The following RFC1 variants were observed in gnomAD, a reference collection of about 807,000 sequenced individuals.
RFC1 encodes the protein replication factor C subunit 1, also known as A1 140 kDa subunit.
RFC1 carries 37 observed loss-of-function variants against 137.4 expected under a neutral mutation model. That is an observed-to-expected ratio of 0.27 (90% confidence interval 0.21 to 0.35). The LOEUF is 0.35. RFC1 is among the 10% of genes least tolerant of loss of function. The probability of loss-of-function intolerance (pLI) is 1.00; values close to 1 mark genes in which losing one functional copy is unlikely to be tolerated. For missense variants in RFC1, 1,205 were observed against 1,358.5 expected (o/e 0.89, Z 1.78); for synonymous variants, 429 against 455.7 (o/e 0.94, Z 0.75).
At chr4:39,353,737 C>T (rs1221385958) in intron 1 of RFC1, among the ~76,000 whole-genome samples, 1 of 152,138 alleles carries the variant, frequency 6.6e-6, no homozygotes, top group Non-Finnish European at 1.5e-5. Context: ...CATGACTGTT[C>T]TAAGTGAGCT....
intron 12 of RFC1, among the ~76,000 whole-genome samples, chr4:39,311,120 G>A (rs1342627582): frequency 6.6e-6 from 1 of 152,126 alleles, no homozygotes; most frequent in Non-Finnish European, 1.5e-5. Context: ...CGACCTGAGG[G>A]ACAGAGCTAG....
intron 10 of RFC1, among the ~76,000 whole-genome samples, chr4:39,316,057 C>G (rs1284570600): frequency 6.6e-6 from 1 of 152,072 alleles, no homozygotes; most frequent in African/African-American, 2.4e-5. Context: ...ATGGAGAAAC[C>G]CCATCTCTAC....
rs554378162 is a variant in RFC1 at position 39,293,316 on chromosome 4, C to T, written c.2955-1464G>A. On this transcript the variant is annotated intron_variant, in intron 22 of 24. Transcript: ENST00000349703. ...TACAGTATCATCATCTTCTAATAGA[C>T]TCATAGAAAAGTCAAAGATGCCATT... Among the ~76,000 whole-genome samples the T allele has an allele frequency of 6.6e-5, 10 of 152,256 alleles. No homozygotes were observed. In the South Asian group the frequency reaches 2.1e-3, roughly 32 times the overall value.
chr4:39,365,582 A>G (rs1157683340), intron 1 of RFC1: 2 of 577,296 alleles, frequency 3.5e-6, no homozygotes, highest in African/African-American at 2.0e-5. Context: ...TCAGGTGGTA[A>G]GAGGATGACA....
chr4:39,361,745 A>G (rs1279892647), intron 1 of RFC1, among the ~76,000 whole-genome samples: 4 of 152,116 alleles, frequency 2.6e-5, no homozygotes, highest in Non-Finnish European at 5.9e-5. Flanking sequence ...CAATCCAAAA[A>G]TGAAATTAGG....
At chr4:39,291,607 G>A (rs772818073) in intron 23 of RFC1, 32 bp downstream of exon 23, 2 of 1,467,472 alleles carry the variant, frequency 1.4e-6, no homozygotes, top group Non-Finnish European at 9.6e-7. Context: ...GTAATAGAAA[G>A]TGACGAAGAA....
intron 10 of RFC1, among the ~76,000 whole-genome samples, chr4:39,315,833 G>T (rs1739212392): frequency 6.6e-6 from 1 of 152,114 alleles, no homozygotes; most frequent in Admixed American, 6.6e-5. Flanking sequence ...CTCTCCTGAT[G>T]ATCTCTGTGT....
At chr4:39,329,155 C>CAAAAAAAAAAAAAAAAAA (rs1739952751) in intron 4 of RFC1, among the ~76,000 whole-genome samples, 3 of 38,536 alleles carry the variant, frequency 7.8e-5, no homozygotes, top group Admixed American at 3.0e-4. Flanking sequence ...AAAAAAAAAG[C>CAAAAAAAAAAAAAAAAAA]TTTTCGATTT....
chr4:39,302,408 A>G (rs776242397), intron 18 of RFC1, 32 bp from the exon 19 acceptor site: 2 of 1,571,004 alleles, frequency 1.3e-6, no homozygotes, highest in Admixed American at 3.3e-5. Flanking sequence ...CAACGTCAAG[A>G]TAGGAAAATC....
At chr4:39,317,440 A>G (rs1325704246) in intron 9 of RFC1, among the ~76,000 whole-genome samples, 5 of 152,232 alleles carry the variant, frequency 3.3e-5, no homozygotes, top group Non-Finnish European at 5.9e-5. Context: ...TGTTAATCCT[A>G]TGACCTTCCA....
At chr4:39,290,444 T>A (rs1314833010) in intron 23 of RFC1, among the ~76,000 whole-genome samples, 2 of 151,924 alleles carry the variant, frequency 1.3e-5, no homozygotes, top group Admixed American at 1.3e-4. Flanking sequence ...TCACTTCAAG[T>A]CATCATGTTT....
intron 4 of RFC1, among the ~76,000 whole-genome samples, chr4:39,337,555 A>C (rs1167693879): frequency 6.6e-6 from 1 of 151,744 alleles, no homozygotes; most frequent in Non-Finnish European, 1.5e-5. Context: ...TTTATACAGA[A>C]TTTTAGTGTA....
Position 39,295,775 on chromosome 4 carries a change from T to G in RFC1, c.2809-16A>C. On this transcript the variant is annotated splice_polypyrimidine_tract_variant and intron_variant, in intron 21 of 24. Coordinates refer to ENST00000349703, the MANE Select transcript of RFC1 (RefSeq NM_002913.5). ...CATAAATGGCCTGAAAAAAAATCAA[T>G]TGCAGTCCAGAATTTATGTTCCGTA... 2 of 1,606,534 alleles carry G rather than the reference T, an allele frequency of 1.2e-6. No homozygotes were observed. The highest frequency in any genetic ancestry group is 1.7e-6 in the Non-Finnish European group (2 of 1,176,528).
At chr4:39,308,534 G>T in intron 13 of RFC1, 102 bp downstream of exon 13, 1 of 1,460,626 alleles carries the variant, frequency 6.8e-7, no homozygotes, top group Non-Finnish European at 9.3e-7. Flanking sequence ...ATAAATGCTT[G>T]CTGACAGATG....
intron 4 of RFC1, among the ~76,000 whole-genome samples, chr4:39,330,774 G>A (rs563433229): frequency 2.7e-4 from 41 of 152,122 alleles, no homozygotes; most frequent in African/African-American, 9.4e-4. Flanking sequence ...TCAATCTACC[G>A]TCAAGCTTTA....
At chr4:39,362,434 ATAGATATATAGATCAATGGAACAGAAC>A (rs1741806271) in intron 1 of RFC1, among the ~76,000 whole-genome samples, 1 of 152,230 alleles carries the variant, frequency 6.6e-6, no homozygotes, top group Non-Finnish European at 1.5e-5. Context: ...TGGCATTTAG[ATAGATATATAGATCAATGGAACAGAAC>A]TGGGAGTTTA....
chr4:39,327,574 C>T lies in RFC1; in HGVS notation c.514G>A (p.Gly172Arg), dbSNP rs1330768994. Residue 172 changes from glycine to arginine, a missense_variant, in exon 5 of 25, where the codon GGA becomes AGA. By Grantham distance (125) the Gly-to-Arg change is moderately radical (BLOSUM62 -2). This residue lies in a region of RFC1 where 962 missense variants were observed against 1,035.3 expected (regional missense o/e 0.93). Transcript: ENST00000349703. ...TTCTTATTAGATCTTTGGACACTTC[C>T]AGTTCCAAAATAATCAAGTACTGAT... is the stretch of plus-strand genomic sequence containing the variant. Reference protein sequence around the residue: ...PTSVLDYFGTGSVQRSNKKMV... With the variant: ...PTSVLDYFGTRSVQRSNKKMV... The T allele has an allele frequency of 1.9e-6, 3 of 1,613,508 alleles. No individual in the cohort carries two copies. Among genetic ancestry groups the T allele is most frequent in the South Asian group, 1.1e-5 (1 of 90,946 alleles).
At chr4:39,361,815 G>A (rs746335373) in intron 1 of RFC1, among the ~76,000 whole-genome samples, 6 of 152,202 alleles carry the variant, frequency 3.9e-5, no homozygotes, top group African/African-American at 7.2e-5. Context: ...TTGGGAGGCC[G>A]AGGCGGGCTG....
chr4:39,294,583 T>C (rs1737872170), intron 22 of RFC1, among the ~76,000 whole-genome samples: 2 of 151,614 alleles, frequency 1.3e-5, no homozygotes, highest in African/African-American at 2.4e-5. Flanking sequence ...GGCAGAAGAA[T>C]TGCTTGAACC....
Sources: gnomAD v4.1 joint callset for allele counts (sites outside exome capture counted in the v4.1 genomes callset) on GRCh38, gnomAD v4.1.1 for gene constraint, gnomAD v4.1.1 regional missense constraint, MANE v1.5 for transcripts, NCBI Gene and HGNC (gene_info 2026-07-23, HGNC 2026-07-21) for gene names.